The following SRGAP1 variants were observed in gnomAD, a reference collection of about 807,000 sequenced individuals.
SRGAP1 encodes SLIT-ROBO Rho GTPase activating protein 1.
A neutral mutation model predicts 121.9 loss-of-function variants in SRGAP1; 43 were observed. That is an observed-to-expected ratio of 0.35 (90% CI 0.28 to 0.46). The LOEUF is 0.46. SRGAP1 is among the 20% of genes least tolerant of loss of function. The pLI is 1.00. For missense variants in SRGAP1, 1,102 were observed against 1,350.9 expected (o/e 0.82, Z 2.89); for synonymous variants, 447 against 485.4 (o/e 0.92, Z 1.04).
rs889950474 is a variant in SRGAP1 at position 63,948,795 on chromosome 12, CAT to C, written c.68-35141_68-35140del. On this transcript the variant is annotated intron_variant, in intron 1 of 21. Transcript: ENST00000355086. ...ATATATATTCCATATATATGTTTTC[CAT>C]ATATATATATTCCATATATATGTTT... Among the ~76,000 whole-genome samples, 199 of 134,282 alleles carry C rather than the reference CAT, an allele frequency of 1.5e-3. 1 individual carries two copies. The highest frequency in any genetic ancestry group is 4.5e-3 in the African/African-American group (168 of 36,958). The allele number at this position is 134,282 out of a possible 152,430, so 88.1% of individuals were successfully genotyped here. A position where few individuals can be genotyped will look rare whatever the true frequency, so the allele number is the denominator to read the frequency against.
At chr12:64,003,052 A>AG (rs1565632426) in intron 3 of SRGAP1, among the ~76,000 whole-genome samples, 15 of 93,416 alleles carry the variant, frequency 1.6e-4, no homozygotes, top group African/African-American at 5.2e-4. Context: ...GAGAGAGAGA[A>AG]AGAGAGAAAG....
intron 17 of SRGAP1, among the ~76,000 whole-genome samples, chr12:64,115,603 A>C (rs115668782): frequency 0.023 from 3,548 of 152,174 alleles, 156 homozygotes; most frequent in African/African-American, 0.081. Flanking sequence ...TTTACAAAAA[A>C]ATTAAAAATT....
rs560841267 is a variant in SRGAP1 at position 63,849,732 on chromosome 12, T to C, written c.67+4849T>C. On this transcript the variant is annotated intron_variant, in intron 1 of 21. Coordinates refer to ENST00000355086, the MANE Select transcript of SRGAP1 (RefSeq NM_020762.4). ...ATTTAAGTTATGAATTAAAACTTTA[T>C]AGCTGGGAGGGACTTTTAACATTTT... Among the ~76,000 whole-genome samples the C allele has an allele frequency of 2.9e-4, 44 of 152,326 alleles. 1 individual carries two copies. In the South Asian group the frequency reaches 8.7e-3, roughly 30 times the overall value.
chr12:64,008,971 C>T (rs911720226), intron 3 of SRGAP1, among the ~76,000 whole-genome samples: 1 of 152,050 alleles, frequency 6.6e-6, no homozygotes, highest in African/African-American at 2.4e-5. Flanking sequence ...TAGATGTGAG[C>T]TTTTGGTCAC....
chr12:63,883,948 G>A (rs934160544), intron 1 of SRGAP1, among the ~76,000 whole-genome samples: 1 of 149,792 alleles, frequency 6.7e-6, no homozygotes, highest in Non-Finnish European at 1.5e-5. Flanking sequence ...GTGAGCCACC[G>A]TGCCCGGCCA....
chr12:64,114,443 C>T (rs982088050), intron 17 of SRGAP1, among the ~76,000 whole-genome samples: 5 of 151,356 alleles, frequency 3.3e-5, no homozygotes, highest in East Asian at 1.9e-4. Context: ...CTCTGCCTCC[C>T]GGGTTCAAGC....
At chr12:63,884,478 T>C (rs1900304031) in intron 1 of SRGAP1, among the ~76,000 whole-genome samples, 1 of 152,222 alleles carries the variant, frequency 6.6e-6, no homozygotes, top group Non-Finnish European at 1.5e-5. Flanking sequence ...TGTATAATGA[T>C]CTAGCCAGGG....
intron 1 of SRGAP1, among the ~76,000 whole-genome samples, chr12:63,901,826 A>G (rs1439052897): frequency 6.6e-6 from 1 of 152,212 alleles, no homozygotes; most frequent in East Asian, 1.9e-4. Flanking sequence ...AGTAATAATC[A>G]AGCTTGAACT....
intron 1 of SRGAP1, among the ~76,000 whole-genome samples, chr12:63,912,873 T>C (rs1477058782): frequency 1.3e-5 from 2 of 152,138 alleles, no homozygotes; most frequent in African/African-American, 4.8e-5. Context: ...GAAGTTTAGA[T>C]AATATTAATA....
chr12:63,885,992 G>A (rs980210818), intron 1 of SRGAP1, among the ~76,000 whole-genome samples: 2 of 152,164 alleles, frequency 1.3e-5, no homozygotes, highest in Admixed American at 6.5e-5. Flanking sequence ...TGTTGTTCAG[G>A]AAATCTGTCT....
At chr12:63,860,342 G>A (rs1459431347) in intron 1 of SRGAP1, among the ~76,000 whole-genome samples, 1 of 152,056 alleles carries the variant, frequency 6.6e-6, no homozygotes, top group Non-Finnish European at 1.5e-5. Context: ...AGATACATAA[G>A]ACTATTTTAT....
At chr12:64,010,625 G>A (rs1159344356) in intron 3 of SRGAP1, among the ~76,000 whole-genome samples, 2 of 152,056 alleles carry the variant, frequency 1.3e-5, no homozygotes, top group Admixed American at 1.3e-4. Flanking sequence ...CACTGGGAAT[G>A]CAAGGACAAT....
intron 18 of SRGAP1, among the ~76,000 whole-genome samples, chr12:64,119,159 T>G (rs190768891): frequency 6.6e-6 from 1 of 152,376 alleles, no homozygotes; most frequent in East Asian, 1.9e-4. Context: ...CAGCATTAAT[T>G]GTCCTTTCTC....
chr12:64,005,821 A>G (rs952984020), intron 3 of SRGAP1, among the ~76,000 whole-genome samples: 1 of 152,072 alleles, frequency 6.6e-6, no homozygotes, highest in African/African-American at 2.4e-5. Context: ...ATTTTTTCTG[A>G]AACCTAACTT....
At chr12:64,027,129 C>T (rs1425751658) in intron 4 of SRGAP1, among the ~76,000 whole-genome samples, 1 of 152,114 alleles carries the variant, frequency 6.6e-6, no homozygotes, top group Non-Finnish European at 1.5e-5. Flanking sequence ...ATAATAACAG[C>T]TAACCTTTGT....
chr12:63,869,348 A>G (rs573420157), intron 1 of SRGAP1, among the ~76,000 whole-genome samples: 10 of 152,292 alleles, frequency 6.6e-5, no homozygotes, highest in Admixed American at 2.0e-4. Context: ...CAGGAAGGCA[A>G]ACCCCTCATG....
rs2037063343 is a variant in SRGAP1 at position 64,147,053 on chromosome 12, A to G, written c.*4381A>G. The G allele has an allele frequency of 6.4e-6, 1 of 156,700 alleles. No individual in the cohort carries two copies. Among genetic ancestry groups the G allele is most frequent in the Non-Finnish European group, 1.4e-5 (1 of 71,322 alleles). The allele number at this position is 156,700 out of a possible 1,614,324, so 9.7% of individuals were successfully genotyped here. ...CCGTGCATTTGTGAATGCCCCCCTT[A>G]GAGCATTCATCCAAGTTCAGTGTGT... On this transcript the variant is annotated 3_prime_UTR_variant, in exon 22 of 22. Coordinates refer to ENST00000355086, the MANE Select transcript of SRGAP1 (RefSeq NM_020762.4).
At chr12:63,871,332 A>G (rs1382228726) in intron 1 of SRGAP1, among the ~76,000 whole-genome samples, 1 of 152,156 alleles carries the variant, frequency 6.6e-6, no homozygotes, top group Non-Finnish European at 1.5e-5. Flanking sequence ...TTCCCAAATT[A>G]TAAAGCGCCT....
At position 64,150,951 on chromosome 12, in the gene SRGAP1, A is replaced by AAAAAAAAAAAAAC. The variant is rs1489625204; in HGVS notation, c.*8288_*8289insAAACAAAAAAAAA. The AAAAAAAAAAAAAC allele has an allele frequency of 2.0e-5, 3 of 148,302 alleles. No homozygotes were observed. Among genetic ancestry groups the AAAAAAAAAAAAAC allele is most frequent in the Non-Finnish European group, 3.0e-5 (2 of 66,648 alleles). 9.2% of individuals were successfully genotyped at this position (148,302 alleles called of 1,614,324 possible). On this transcript the variant is annotated 3_prime_UTR_variant, in exon 22 of 22. Transcript: ENST00000355086. ...AGCTATCTCAAAAAAAAAAAAAAAAAAAAAAAAAACATGGTCAAGATTTGT... is the reference window on the plus strand; with the variant it reads ...AGCTATCTCAAAAAAAAAAAAAAAAAAAAAAAAAAAAACAAAAAAAAACATGGTCAAGATTTGT...
Sources: gnomAD v4.1 joint callset for allele counts (sites outside exome capture counted in the v4.1 genomes callset) on GRCh38, gnomAD v4.1.1 for gene constraint, MANE v1.5 for transcripts, NCBI Gene and HGNC (gene_info 2026-07-23, HGNC 2026-07-21) for gene names.